PDE7B: variants seen among roughly 807,000 people sequenced by gnomAD.
PDE7B encodes the protein phosphodiesterase 7B, also known as 3',5'-cyclic-AMP phosphodiesterase 7B.
PDE7B carries 29 observed loss-of-function variants against 56.2 expected under a neutral mutation model. The observed-to-expected ratio is 0.52, with a 90% CI of 0.38 to 0.70. The LOEUF (loss-of-function observed/expected upper bound fraction) is 0.70. PDE7B is among the 30% of genes least tolerant of loss of function. The pLI is 0.00. For synonymous variants in PDE7B, 197 were observed against 196.9 expected, an observed-to-expected ratio of 1.00 and a Z score of 0.00; for missense variants, 490 against 565.0, an observed-to-expected ratio of 0.87 and a Z score of 1.35.
chr6:136,025,228 C>T (rs778051444), intron 2 of PDE7B, among the ~76,000 whole-genome samples: 5 of 152,122 alleles, frequency 3.3e-5, no homozygotes, highest in African/African-American at 4.8e-5. Context: ...TTGGGCGGTG[C>T]TTTAAGGAAG....
At chr6:135,969,278 C>T (rs1429796871) in intron 2 of PDE7B, among the ~76,000 whole-genome samples, 2 of 152,024 alleles carry the variant, frequency 1.3e-5, no homozygotes, top group Non-Finnish European at 2.9e-5. Flanking sequence ...AACAAACCTG[C>T]ACATCCTGCA....
chr6:135,917,128 C>G (rs901977591), intron 1 of PDE7B, among the ~76,000 whole-genome samples: 1 of 152,096 alleles, frequency 6.6e-6, no homozygotes, highest in African/African-American at 2.4e-5. Context: ...TACATTATTA[C>G]GATGATTGCA....
chr6:135,961,592 C>G (rs1774903612), intron 2 of PDE7B, among the ~76,000 whole-genome samples: 1 of 151,894 alleles, frequency 6.6e-6, no homozygotes, highest in East Asian at 1.9e-4. Flanking sequence ...GCTGATTATC[C>G]ATGAGCATTA....
intron 8 of PDE7B, chr6:136,156,201 G>GTGTGTGTGTA: frequency 3.1e-6 from 1 of 326,602 alleles, no homozygotes; most frequent in Non-Finnish European, 6.0e-6. Context: ...GTGTGTGTGT[G>GTGTGTGTGTA]TTTTCAGAAA....
chr6:135,967,280 T>C (rs556405521), intron 2 of PDE7B, among the ~76,000 whole-genome samples: 3 of 152,262 alleles, frequency 2.0e-5, no homozygotes, highest in East Asian at 3.9e-4. Flanking sequence ...CAACCCGCTA[T>C]GTAACCCCAA....
At chr6:136,112,207 G>A (rs943479963) in intron 3 of PDE7B, among the ~76,000 whole-genome samples, 2 of 152,262 alleles carry the variant, frequency 1.3e-5, no homozygotes, top group Non-Finnish European at 2.9e-5. Flanking sequence ...TGTCACAGGA[G>A]GGCAGAGGAC....
At chr6:135,897,995 C>T (rs1775933380) in intron 1 of PDE7B, among the ~76,000 whole-genome samples, 1 of 152,142 alleles carries the variant, frequency 6.6e-6, no homozygotes, top group East Asian at 1.9e-4. Context: ...GGGAAGGAGG[C>T]TTAATAAACC....
chr6:135,893,295 A>T (rs939557096), intron 1 of PDE7B, among the ~76,000 whole-genome samples: 32 of 134,620 alleles, frequency 2.4e-4, no homozygotes, highest in African/African-American at 9.1e-4. Context: ...TTCGATTCCC[A>T]CCTATGAATG....
At chr6:135,923,510 G>T (rs1355176443) in intron 1 of PDE7B, among the ~76,000 whole-genome samples, 2 of 151,824 alleles carry the variant, frequency 1.3e-5, no homozygotes, top group African/African-American at 4.8e-5. Flanking sequence ...GAAACTGATG[G>T]GTCATTCAAA....
At chr6:135,869,583 T>G (rs1775334206) in intron 1 of PDE7B, among the ~76,000 whole-genome samples, 1 of 152,174 alleles carries the variant, frequency 6.6e-6, no homozygotes, top group Admixed American at 6.5e-5. Context: ...TGCATTCCAG[T>G]CAGAGATGAC....
intron 2 of PDE7B, among the ~76,000 whole-genome samples, chr6:136,083,336 T>A (rs1777236010): frequency 6.6e-6 from 1 of 152,224 alleles, no homozygotes; most frequent in African/African-American, 2.4e-5. Context: ...GAACATAGTA[T>A]GGGGCTGCCT....
At chr6:136,034,567 G>C (rs913066699) in intron 2 of PDE7B, 3 of 152,164 alleles carry the variant, frequency 2.0e-5, no homozygotes, top group African/African-American at 7.2e-5. Context: ...GGCATCACCG[G>C]GGCTCACCTT....
chr6:135,948,886 GATA>G (rs1774640121), intron 2 of PDE7B, among the ~76,000 whole-genome samples: 1 of 128,930 alleles, frequency 7.8e-6, no homozygotes, highest in African/African-American at 4.1e-5. Context: ...TAGATAGATA[GATA>G]GATAGATAGA....
At chr6:136,107,039 A>G (rs1777655291) in intron 2 of PDE7B, among the ~76,000 whole-genome samples, 1 of 152,238 alleles carries the variant, frequency 6.6e-6, no homozygotes, top group Non-Finnish European at 1.5e-5. Context: ...GCATTGAAGA[A>G]GGCACCAATG....
chr6:135,931,953 GCACA>G (rs35849934), intron 1 of PDE7B, among the ~76,000 whole-genome samples: 6,010 of 64,320 alleles, frequency 0.093, 385 homozygotes, highest in African/African-American at 0.2. Flanking sequence ...ACACGCGCGC[GCACA>G]CACACACACA....
chr6:136,176,184 T>C (rs1778974169), intron 9 of PDE7B, among the ~76,000 whole-genome samples: 2 of 152,088 alleles, frequency 1.3e-5, no homozygotes, highest in African/African-American at 4.8e-5. Flanking sequence ...ACAGTAACCA[T>C]TTGTTATATG....
chr6:136,040,071 C>T (rs941780192), intron 2 of PDE7B, among the ~76,000 whole-genome samples: 3 of 152,088 alleles, frequency 2.0e-5, no homozygotes, highest in African/African-American at 7.2e-5. Flanking sequence ...ACTCCTGTAG[C>T]TTCTTATTAC....
intron 2 of PDE7B, among the ~76,000 whole-genome samples, chr6:136,081,676 A>G (rs1777208571): frequency 6.6e-6 from 1 of 152,192 alleles, no homozygotes; most frequent in South Asian, 2.1e-4. Flanking sequence ...GATATCATTC[A>G]CTAGGTAAAA....
At position 136,147,424 on chromosome 6, in the gene PDE7B, T is replaced by C. The variant is rs368648966; in HGVS notation, c.240T>C (p.His80=). 6.2e-7 allele frequency: 1 copy of C among 1,612,894 alleles called. No individual in the cohort carries two copies. The highest frequency in any genetic ancestry group is 1.1e-5 in the South Asian group (1 of 91,038). ...KRLLSFQRYF[H]ASRLLRGIIP... ...TATTAAGCTTTCAAAGATACTTCCA[T>C]GCATCAAGGCTGCTTCGTGGAATTA... The change falls in exon 4 of 13, where the codon CAT becomes CAC. Residue 80 remains histidine, a synonymous_variant. Transcript: ENST00000308191.
Sources: allele counts gnomAD v4.1 joint callset (sites outside exome capture counted in the v4.1 genomes callset), GRCh38; gene constraint gnomAD v4.1.1; transcripts MANE v1.5; gene names NCBI Gene and HGNC (gene_info 2026-07-23, HGNC 2026-07-21).